The following CNTNAP2 variants were observed in gnomAD, a reference collection of about 807,000 sequenced individuals.
CNTNAP2 encodes contactin associated protein 2.
Under a neutral mutation model 155.2 loss-of-function variants are expected in CNTNAP2, and 98 were observed. The ratio of observed to expected loss-of-function variants is 0.63; its 90% confidence interval spans 0.54 to 0.75. The LOEUF is 0.75. CNTNAP2 is among the 30% of genes least tolerant of loss of function. CNTNAP2 has a pLI of 0.00. For synonymous variants in CNTNAP2, 651 were observed against 631.2 expected, an observed-to-expected ratio of 1.03 and a Z score of -0.47; for missense variants, 1,727 against 1,688.1, an observed-to-expected ratio of 1.02 and a Z score of -0.40.
chr7:146,802,138 G>A (rs1238002550), intron 2 of CNTNAP2, among the ~76,000 whole-genome samples: 1 of 152,186 alleles, frequency 6.6e-6, no homozygotes, highest in Non-Finnish European at 1.5e-5. Context: ...CTATAGGTCA[G>A]AAGTCCATGT....
intron 14 of CNTNAP2, among the ~76,000 whole-genome samples, chr7:147,931,264 CAAACTA>C (rs1357301493): frequency 7.0e-6 from 1 of 143,468 alleles, no homozygotes; most frequent in African/African-American, 2.6e-5. Flanking sequence ...ACAAAATTGA[CAAACTA>C]AAAAAAAAAG....
At chr7:148,131,188 T>C (rs1804825275) in intron 16 of CNTNAP2, among the ~76,000 whole-genome samples, 1 of 132,794 alleles carries the variant, frequency 7.5e-6, no homozygotes, top group South Asian at 2.6e-4. Context: ...AACCTCCGCC[T>C]CCCGGGTTCA....
rs73457345 is a variant in CNTNAP2 at position 147,211,503 on chromosome 7, T to C, written c.1348+78994T>C. ...TAGAAGAGAACAGATAACCCAGAAA[T>C]AAAGCCACACACCTCCAATAATATG... On this transcript the variant is annotated intron_variant, in intron 8 of 23. Coordinates refer to ENST00000361727, the MANE Select transcript of CNTNAP2 (RefSeq NM_014141.6). Among the ~76,000 whole-genome samples, 1,328 of 151,892 alleles carry C rather than the reference T, an allele frequency of 8.7e-3. 17 individuals carry two copies. Among genetic ancestry groups the C allele is most frequent in the African/African-American group, 0.031 (1,284 of 41,418 alleles).
chr7:146,768,408 T>C (rs1421815964), intron 1 of CNTNAP2, among the ~76,000 whole-genome samples: 2 of 151,714 alleles, frequency 1.3e-5, no homozygotes, highest in Non-Finnish European at 2.9e-5. Context: ...GTCCCGATGT[T>C]GTGTGCCCCC....
At chr7:147,524,768 G>A (rs975489379) in intron 11 of CNTNAP2, among the ~76,000 whole-genome samples, 5 of 152,290 alleles carry the variant, frequency 3.3e-5, no homozygotes, top group African/African-American at 1.2e-4. Flanking sequence ...CCTCCACAGT[G>A]AGTCCCCAGG....
intron 12 of CNTNAP2, among the ~76,000 whole-genome samples, chr7:147,570,633 T>G (rs1018097827): frequency 3.3e-5 from 5 of 152,200 alleles, no homozygotes; most frequent in African/African-American, 9.7e-5. Flanking sequence ...AAATATCACA[T>G]GCATTAACTC....
intron 9 of CNTNAP2, among the ~76,000 whole-genome samples, chr7:147,380,671 A>C (rs189814956): frequency 2.3e-4 from 35 of 152,270 alleles, no homozygotes; most frequent in Admixed American, 1.8e-3. Flanking sequence ...CCTGAGATAG[A>C]GCCTCACAAT....
chr7:146,966,945 T>A (rs891982546), intron 3 of CNTNAP2, among the ~76,000 whole-genome samples: 1 of 152,176 alleles, frequency 6.6e-6, no homozygotes, highest in Admixed American at 6.5e-5. Flanking sequence ...TGTAATTTCT[T>A]GGAGGTGGGA....
chr7:146,869,183 A>G (rs1363083024), intron 3 of CNTNAP2, among the ~76,000 whole-genome samples: 1 of 152,184 alleles, frequency 6.6e-6, no homozygotes, highest in Non-Finnish European at 1.5e-5. Flanking sequence ...ATTTTGAGGT[A>G]TGTTCCTTCA....
chr7:146,914,555 T>C (rs952054943), intron 3 of CNTNAP2, among the ~76,000 whole-genome samples: 18 of 152,118 alleles, frequency 1.2e-4, no homozygotes, highest in Admixed American at 1.0e-3. Flanking sequence ...ATTAGTGATG[T>C]TGAGTATTTT....
intron 1 of CNTNAP2, among the ~76,000 whole-genome samples, chr7:146,508,642 C>A (rs1797420423): frequency 6.6e-6 from 1 of 152,188 alleles, no homozygotes; most frequent in Admixed American, 6.5e-5. Flanking sequence ...GCACCTTGAC[C>A]AGTTTCCTAA....
chr7:146,980,555 T>C (rs751875923), intron 3 of CNTNAP2, among the ~76,000 whole-genome samples: 5 of 152,150 alleles, frequency 3.3e-5, no homozygotes, highest in Non-Finnish European at 7.3e-5. Context: ...CTGCAGACTG[T>C]ACAGGAAGTG....
chr7:148,171,143 G>A (rs1805786105), intron 17 of CNTNAP2, among the ~76,000 whole-genome samples: 2 of 152,142 alleles, frequency 1.3e-5, no homozygotes, highest in Non-Finnish European at 2.9e-5. Flanking sequence ...TGTACAATGG[G>A]AATAATGCAA....
chr7:147,833,952 A>T (rs1798593840), intron 13 of CNTNAP2, among the ~76,000 whole-genome samples: 1 of 152,038 alleles, frequency 6.6e-6, no homozygotes, highest in South Asian at 2.1e-4. Context: ...GAGGGAGGGG[A>T]CGGCATGAAG....
intron 13 of CNTNAP2, among the ~76,000 whole-genome samples, chr7:147,746,088 A>G (rs1288140510): frequency 6.6e-6 from 1 of 152,236 alleles, no homozygotes; most frequent in African/African-American, 2.4e-5. Context: ...TGTAAATAGC[A>G]CTGATGAAGT....
chr7:147,446,123 C>G (rs954497447), intron 10 of CNTNAP2, among the ~76,000 whole-genome samples: 1 of 139,912 alleles, frequency 7.1e-6, no homozygotes, highest in African/African-American at 2.6e-5. Flanking sequence ...TTGTTTCTTT[C>G]TTTTTTTTTT....
intron 9 of CNTNAP2, among the ~76,000 whole-genome samples, chr7:147,314,842 G>GA (rs1457971778): frequency 6.6e-6 from 1 of 150,906 alleles, no homozygotes; most frequent in African/African-American, 2.4e-5. Context: ...GTTATATGTA[G>GA]AAAAAAATGT....
At chr7:147,575,964 T>A (rs1800389705) in intron 12 of CNTNAP2, among the ~76,000 whole-genome samples, 1 of 152,086 alleles carries the variant, frequency 6.6e-6, no homozygotes, top group African/African-American at 2.4e-5. Flanking sequence ...TACAAAAGGC[T>A]GTTTACACAA....
chr7:147,272,891 T>C (rs1339147617), intron 8 of CNTNAP2, among the ~76,000 whole-genome samples: 1 of 152,162 alleles, frequency 6.6e-6, no homozygotes, highest in Non-Finnish European at 1.5e-5. Flanking sequence ...TTAATATACT[T>C]CCATTTGCTT....
Sources: gnomAD v4.1 joint callset for allele counts (sites outside exome capture counted in the v4.1 genomes callset) on GRCh38, gnomAD v4.1.1 for gene constraint, MANE v1.5 for transcripts, NCBI Gene and HGNC (gene_info 2026-07-23, HGNC 2026-07-21) for gene names.